DOCK8: variants seen among roughly 807,000 people sequenced by gnomAD.
DOCK8 encodes the protein dedicator of cytokinesis protein 8.
In DOCK8, 141 loss-of-function variants were observed where a neutral mutation model predicts 245.6. The observed-to-expected ratio is 0.57, with a 90% confidence interval of 0.50 to 0.66. The LOEUF (loss-of-function observed/expected upper bound fraction) is 0.66, where lower values mean the gene tolerates loss of function less well. Ranked by LOEUF, DOCK8 falls within the 30% of genes least tolerant of loss-of-function variation. DOCK8 has a pLI of 0.00. For synonymous variants in DOCK8, 1,168 were observed against 970.2 expected (o/e 1.20, Z -3.79); for missense variants, 2,965 against 2,603.4 (o/e 1.14, Z -3.02).
chr9:363,415 C>A (rs983026035), intron 14 of DOCK8, among the ~76,000 whole-genome samples: 1 of 152,222 alleles, frequency 6.6e-6, no homozygotes, highest in Non-Finnish European at 1.5e-5. Flanking sequence ...GCCTGTTTAT[C>A]CGTTCGTTAA....
intron 1 of DOCK8, among the ~76,000 whole-genome samples, chr9:231,054 A>C (rs1402360700): frequency 6.6e-6 from 1 of 152,154 alleles, no homozygotes; most frequent in Non-Finnish European, 1.5e-5. Context: ...TTAAGTCTTT[A>C]ATCCATCTTG....
intron 18 of DOCK8, among the ~76,000 whole-genome samples, chr9:373,358 A>G (rs995034945): frequency 1.3e-5 from 2 of 152,344 alleles, no homozygotes; most frequent in South Asian, 4.1e-4. Flanking sequence ...ATTTGTTTTT[A>G]ACCATCACAA....
intron 33 of DOCK8, among the ~76,000 whole-genome samples, chr9:426,303 T>C (rs1390596261): frequency 6.6e-6 from 1 of 152,118 alleles, no homozygotes; most frequent in African/African-American, 2.4e-5. Context: ...AGGAATACAG[T>C]CTTGTTTCCC....
chr9:355,650 G>GT (rs1289458310), intron 14 of DOCK8, among the ~76,000 whole-genome samples: 2 of 152,270 alleles, frequency 1.3e-5, no homozygotes, highest in Middle Eastern at 3.4e-3. Flanking sequence ...GGGAAAAGTT[G>GT]TTTTTTACCT....
Position 418,071 on chromosome 9 carries a change from C to G in DOCK8, c.3704C>G (p.Ala1235Gly). The G allele has an allele frequency of 1.2e-6, 2 of 1,614,172 alleles. No homozygotes were observed. Among genetic ancestry groups the G allele is most frequent in the Non-Finnish European group, 1.7e-6 (2 of 1,180,032 alleles). Residue 1235 changes from alanine to glycine, a missense_variant, in exon 30 of 48, where the codon GCA (alanine) becomes GGA (glycine). By Grantham distance (60) the Ala-to-Gly change is moderately conservative. This residue lies in a region of DOCK8 where 2,825 missense variants were observed against 2,453.5 expected (regional missense o/e 1.15). Transcript: ENST00000432829. ...ACAAACGATGTTTTCATTGCAGTTG[C>G]AGATACTCGCAGATACCGCACCAGT... is the stretch of plus-strand genomic sequence containing the variant. ...ALPQLCDFTV[A>G]DTRRYRTSGS...
At chr9:227,962 C>T (rs1029567003) in intron 1 of DOCK8, among the ~76,000 whole-genome samples, 8 of 152,122 alleles carry the variant, frequency 5.3e-5, no homozygotes, top group Non-Finnish European at 1.2e-4. Context: ...ATTATGAGGG[C>T]AAAGAGCCAT....
intron 16 of DOCK8, 27 bp from the exon 17 acceptor site, chr9:371,401 T>G (rs777005074): frequency 6.2e-7 from 1 of 1,614,076 alleles, no homozygotes; most frequent in Non-Finnish European, 8.5e-7. Flanking sequence ...CTAAAAGTTA[T>G]TTGTGTATAA....
intron 5 of DOCK8, among the ~76,000 whole-genome samples, chr9:309,179 G>A (rs2049985865): frequency 6.6e-6 from 1 of 152,134 alleles, no homozygotes; most frequent in Admixed American, 6.5e-5. Context: ...AGTAATGTTA[G>A]ATTTTTTTAC....
intron 44 of DOCK8, 148 bp from the exon 45 acceptor site, chr9:449,636 T>C (rs1435591230): frequency 2.1e-6 from 2 of 953,498 alleles, no homozygotes; most frequent in Non-Finnish European, 1.6e-6. Context: ...TCTTTCTTTT[T>C]AACCTGTTAA....
intron 1 of DOCK8, among the ~76,000 whole-genome samples, chr9:262,177 A>T (rs534841448): frequency 2.2e-4 from 34 of 152,266 alleles, no homozygotes; most frequent in African/African-American, 8.2e-4. Flanking sequence ...TTAAAAACAC[A>T]ATGAGATACC....
intron 11 of DOCK8, among the ~76,000 whole-genome samples, chr9:336,210 C>T (rs1469869553): frequency 6.6e-6 from 1 of 152,196 alleles, no homozygotes; most frequent in East Asian, 1.9e-4. Context: ...ACATGCCTCT[C>T]CCAGTGGAAT....
At chr9:439,175 T>G (rs1163456283) in intron 39 of DOCK8, 70 bp from the exon 40 acceptor site, 1 of 1,603,708 alleles carries the variant, frequency 6.2e-7, no homozygotes, top group Non-Finnish European at 8.5e-7. Context: ...GTTTCCCCAT[T>G]CGGGGTTCCT....
Position 443,407 on chromosome 9 carries a change from T to A in DOCK8, c.5491-20T>A. On this transcript the variant is annotated intron_variant, in intron 42 of 47. Transcript: ENST00000432829. ...TTATGTTAAAATAACCTTTATAAAC[T>A]GTTGGTTCTTCTTACCTAGGCATTT... 1.2e-6 allele frequency: 2 copies of A among 1,608,648 alleles called. No individual in the cohort carries two copies. The highest frequency in any genetic ancestry group is 1.1e-5 in the South Asian group (1 of 90,984).
chr9:344,538 T>C (rs2051776279), intron 14 of DOCK8, among the ~76,000 whole-genome samples: 1 of 130,708 alleles, frequency 7.7e-6, no homozygotes, highest in Non-Finnish European at 1.7e-5. Context: ...ATTGGCAAGC[T>C]GACTAAGTTC....
chr9:421,051 G>A lies in DOCK8; in HGVS notation c.4126G>A (p.Gly1376Arg), dbSNP rs777635198. Residue 1376 changes from glycine (G) to arginine (R), a missense_variant, in exon 32 of 48, where the codon GGG becomes AGG. Physicochemically the swap from Gly to Arg is moderately radical, Grantham distance 125. Transcript: ENST00000432829. ...EALLRGEGAR[G>R]EMMRRRAPGN... ...TTTGCTCCGTGGGGAAGGGGCCAGA[G>A]GGGAGATGATGCGCCGCCGGGCTCC... The A allele has an allele frequency of 3.7e-6, 6 of 1,614,182 alleles. No homozygotes were observed. The highest frequency in any genetic ancestry group is 8.5e-7 in the Non-Finnish European group (1 of 1,180,004).
At chr9:246,172 C>G (rs562439074) in intron 1 of DOCK8, among the ~76,000 whole-genome samples, 7 of 151,968 alleles carry the variant, frequency 4.6e-5, no homozygotes, top group African/African-American at 1.7e-4. Context: ...TGACCTGAGA[C>G]TGTGCCACTG....
At chr9:390,693 A>G (rs2054153071) in intron 24 of DOCK8, 127 bp downstream of exon 24, 6 of 820,298 alleles carry the variant, frequency 7.3e-6, no homozygotes, top group Non-Finnish European at 1.3e-5. Flanking sequence ...GAAATCTAAT[A>G]ATCTCTCACC....
At position 421,065 on chromosome 9, in the gene DOCK8, C is replaced by T. The variant is rs746653143; in HGVS notation, c.4140C>T (p.Arg1380=). The T allele has an allele frequency of 3.7e-6, 6 of 1,614,012 alleles. No individual in the cohort carries two copies. The South Asian group carries it at 6.6e-5, about 18-fold the overall frequency. ...AAGGGGCCAGAGGGGAGATGATGCGCCGCCGGGCTCCAGGTGTGTTGGACT... is the reference window on the plus strand; with the variant it reads ...AAGGGGCCAGAGGGGAGATGATGCGTCGCCGGGCTCCAGGTGTGTTGGACT... ...RGEGARGEMM[R]RRAPGNDRFP... The change falls in exon 32 of 48, where the codon CGC becomes CGT. Residue 1380 remains arginine (R), a synonymous_variant. Coordinates refer to ENST00000432829, the MANE Select transcript of DOCK8 (RefSeq NM_203447.4).
Position 464,510 on chromosome 9 carries a change from C to T in DOCK8, c.*291C>T. On this transcript the variant is annotated 3_prime_UTR_variant, in exon 48 of 48. Transcript: ENST00000432829. ...GTACCAAACAAGGCATAAGCAGCTT[C>T]TCCTGCTGACTGGCCAATCACTGCC... 1 of 488,514 alleles carries T rather than the reference C, an allele frequency of 2.0e-6. No homozygotes were observed. Among genetic ancestry groups the T allele is most frequent in the South Asian group, 2.2e-5 (1 of 45,648 alleles). 30.3% of individuals were successfully genotyped at this position (488,514 alleles called of 1,614,324 possible).
Sources: gnomAD v4.1 joint callset for allele counts (sites outside exome capture counted in the v4.1 genomes callset) on GRCh38, gnomAD v4.1.1 for gene constraint, gnomAD v4.1.1 regional missense constraint, MANE v1.5 for transcripts, NCBI Gene and HGNC (gene_info 2026-07-23, HGNC 2026-07-21) for gene names.